The following DOCK2 variants were observed in gnomAD, a reference collection of about 807,000 sequenced individuals.
DOCK2 encodes dedicator of cytokinesis protein 2.
Under a neutral mutation model 248.9 loss-of-function variants are expected in DOCK2, and 87 were observed. That is an observed-to-expected ratio of 0.35 (90% CI 0.29 to 0.42). DOCK2 has a LOEUF of 0.42. Among genes scored for constraint, DOCK2 ranks in the 10% least tolerant of loss-of-function variants. The pLI, the probability that DOCK2 is intolerant of heterozygous loss-of-function variation, is 1.00. For synonymous variants in DOCK2, 805 were observed against 821.6 expected (o/e 0.98, Z 0.35); for missense variants, 1,747 against 2,300.2 (o/e 0.76, Z 4.92).
chr5:169,654,259 A>C (rs1757967265), intron 1 of DOCK2, 144 bp from the exon 2 acceptor site: 1 of 798,580 alleles, frequency 1.3e-6, no homozygotes, highest in Non-Finnish European at 2.0e-6. Context: ...CTCTTGTGGC[A>C]GGCAATAGGT....
chr5:170,082,826 C>G lies in DOCK2; in HGVS notation c.5461C>G (p.Gln1821Glu). The G allele has an allele frequency of 6.2e-7, 1 of 1,614,180 alleles. No individual in the cohort carries two copies. The highest frequency in any genetic ancestry group is 1.1e-5 in the South Asian group (1 of 91,088). ...LASKSAEEGKQIPDSLSTDL is the reference protein window; with the variant it reads ...LASKSAEEGKEIPDSLSTDL ...CAGCAAATCGGCTGAAGAAGGCAAACAGATCCCAGACTCGCTGTCCACGGA... is the reference window on the plus strand; with the variant it reads ...CAGCAAATCGGCTGAAGAAGGCAAAGAGATCCCAGACTCGCTGTCCACGGA... The change falls in exon 52 of 52, where the codon CAG (glutamine) becomes GAG (glutamate). Residue 1821 changes from glutamine (Q) to glutamate (E), a missense_variant. By Grantham distance (29) the Gln-to-Glu change is conservative. This residue lies in a region of DOCK2 where 513 missense variants were observed against 586.1 expected (regional missense o/e 0.88). Coordinates refer to ENST00000520908, the MANE Select transcript of DOCK2 (RefSeq NM_004946.3).
At chr5:169,827,035 C>T (rs913306107) in intron 26 of DOCK2, among the ~76,000 whole-genome samples, 5 of 151,330 alleles carry the variant, frequency 3.3e-5, no homozygotes, top group African/African-American at 7.4e-5. Context: ...GGTACCACTC[C>T]GTATTGAAAT....
At chr5:169,731,981 A>G (rs778867416) in intron 22 of DOCK2, among the ~76,000 whole-genome samples, 1 of 152,046 alleles carries the variant, frequency 6.6e-6, no homozygotes, top group Non-Finnish European at 1.5e-5. Flanking sequence ...TTAGTCTGGC[A>G]TGGTGGCACA....
rs764368294 is a variant in DOCK2, at chr5:169,780,329, GTGT to G, written c.2554+18705_2554+18707del. On this transcript the variant is annotated intron_variant, in intron 25 of 51. Transcript: ENST00000520908. Reference sequence around the variant, plus strand: ...TGTGTGTGTGTGTGTGTGTGTGTGTGTGTGTGTGTGTTGAATCGTTCTAACACA... The same window carrying G: ...TGTGTGTGTGTGTGTGTGTGTGTGTGGTGTGTGTTGAATCGTTCTAACACA... Among the ~76,000 whole-genome samples the G allele has an allele frequency of 1.4e-3, 156 of 114,402 alleles. 2 individuals carry two copies. Among genetic ancestry groups the G allele is most frequent in the African/African-American group, 2.7e-3 (101 of 37,928 alleles). 75.1% of individuals were successfully genotyped at this position (114,402 alleles called of 152,430 possible).
At chr5:169,879,435 T>C (rs1387063182) in intron 27 of DOCK2, among the ~76,000 whole-genome samples, 1 of 152,216 alleles carries the variant, frequency 6.6e-6, no homozygotes, top group African/African-American at 2.4e-5. Context: ...TCTGCTTTCA[T>C]CAAATTAATT....
At chr5:170,002,212 G>A (rs1360882309) in intron 30 of DOCK2, among the ~76,000 whole-genome samples, 4 of 148,090 alleles carry the variant, frequency 2.7e-5, no homozygotes, top group African/African-American at 1.0e-4. Flanking sequence ...AAATAAAGGC[G>A]TTGATTACAG....
At chr5:169,666,682 A>G (rs1452390509) in intron 2 of DOCK2, among the ~76,000 whole-genome samples, 1 of 152,172 alleles carries the variant, frequency 6.6e-6, no homozygotes, top group Non-Finnish European at 1.5e-5. Context: ...TGCCAGAAAA[A>G]AGTCATAAGG....
intron 26 of DOCK2, among the ~76,000 whole-genome samples, chr5:169,827,024 C>A (rs562205440): frequency 4.5e-4 from 67 of 149,492 alleles, no homozygotes; most frequent in Non-Finnish European, 8.4e-4. Context: ...CGTAGTGAGT[C>A]GGTACCACTC....
At chr5:170,026,451 C>T (rs745370568) in intron 33 of DOCK2, among the ~76,000 whole-genome samples, 61 of 152,074 alleles carry the variant, frequency 4.0e-4, no homozygotes, top group African/African-American at 1.2e-3. Flanking sequence ...TTATGAAGAC[C>T]GGGTGTAAAG....
intron 26 of DOCK2, among the ~76,000 whole-genome samples, chr5:169,836,475 A>G (rs1348268506): frequency 3.9e-5 from 6 of 152,238 alleles, no homozygotes; most frequent in Admixed American, 3.9e-4. Flanking sequence ...GTTTCTAATC[A>G]GTTGTGGATG....
intron 27 of DOCK2, among the ~76,000 whole-genome samples, chr5:169,958,165 C>T (rs1349038695): frequency 6.6e-6 from 1 of 152,090 alleles, no homozygotes; most frequent in Non-Finnish European, 1.5e-5. Flanking sequence ...TGATTATCTA[C>T]CCTGTGGTGA....
At chr5:169,761,031 A>T in intron 24 of DOCK2, among the ~76,000 whole-genome samples, 1 of 152,212 alleles carries the variant, frequency 6.6e-6, no homozygotes, top group Non-Finnish European at 1.5e-5. Context: ...AGAGATTTTG[A>T]TTTTAAGACT....
intron 27 of DOCK2, among the ~76,000 whole-genome samples, chr5:169,856,828 A>G (rs1770924537): frequency 6.6e-6 from 1 of 152,350 alleles, no homozygotes; most frequent in East Asian, 1.9e-4. Context: ...CCAGGGTATC[A>G]TAGCAGTGTG....
intron 46 of DOCK2, chr5:170,075,631 C>T: frequency 3.7e-6 from 1 of 271,636 alleles, no homozygotes; most frequent in South Asian, 5.6e-5. Context: ...CTGATCCCCA[C>T]ACTCTGCCCC....
chr5:169,708,325 GT>G (rs1281822828), intron 15 of DOCK2, 58 bp downstream of exon 15: 10 of 1,477,450 alleles, frequency 6.8e-6, no homozygotes, highest in East Asian at 2.3e-5. Flanking sequence ...ACCAGGCACT[GT>G]TTTAAGTGCT....
At chr5:170,022,324 G>T (rs1201767351) in intron 33 of DOCK2, among the ~76,000 whole-genome samples, 1 of 152,180 alleles carries the variant, frequency 6.6e-6, no homozygotes, top group South Asian at 2.1e-4. Flanking sequence ...ACTCTCAGTG[G>T]CTCACGGTTC....
At chr5:169,646,494 C>G (rs1016801592) in intron 1 of DOCK2, among the ~76,000 whole-genome samples, 4 of 152,296 alleles carry the variant, frequency 2.6e-5, no homozygotes, top group Non-Finnish European at 5.9e-5. Flanking sequence ...TTCACCTTGT[C>G]TTTTAGTTAG....
intron 27 of DOCK2, among the ~76,000 whole-genome samples, chr5:169,938,197 C>G (rs980699164): frequency 6.6e-6 from 1 of 152,058 alleles, no homozygotes; most frequent in Non-Finnish European, 1.5e-5. Context: ...CAGCTGCCAC[C>G]TTAAAGAAAT....
intron 26 of DOCK2, among the ~76,000 whole-genome samples, chr5:169,824,221 C>T (rs403919): frequency 0.29 from 44,392 of 151,946 alleles, 8,667 homozygotes; most frequent in African/African-American, 0.56. Flanking sequence ...GATTCAATGC[C>T]ATCCCCATCA....
Sources: gnomAD v4.1 joint callset for allele counts (sites outside exome capture counted in the v4.1 genomes callset) on GRCh38, gnomAD v4.1.1 for gene constraint, gnomAD v4.1.1 regional missense constraint, MANE v1.5 for transcripts, NCBI Gene and HGNC (gene_info 2026-07-23, HGNC 2026-07-21) for gene names.